The following ZNF385D variants were observed in gnomAD, a reference collection of about 807,000 sequenced individuals.
ZNF385D encodes zinc finger protein 385D.
Under a neutral mutation model 35.8 loss-of-function variants are expected in ZNF385D, and 15 were observed. The observed-to-expected ratio is 0.42, with a 90% CI of 0.28 to 0.64. ZNF385D has a LOEUF of 0.64. Ranked by LOEUF, ZNF385D falls within the 30% of genes least tolerant of loss-of-function variation. The probability of loss-of-function intolerance (pLI) is 0.23; values close to 1 mark genes in which losing one functional copy is unlikely to be tolerated. For missense variants in ZNF385D, 474 were observed against 494.6 expected, an observed-to-expected ratio of 0.96 and a Z score of 0.39; for synonymous variants, 212 against 186.8, an observed-to-expected ratio of 1.13 and a Z score of -1.10.
chr3:21,655,165 G>A (rs2066037075), intron 2 of ZNF385D, among the ~76,000 whole-genome samples: 1 of 151,838 alleles, frequency 6.6e-6, no homozygotes, highest in Admixed American at 6.6e-5. Flanking sequence ...CAGAGATTCT[G>A]GTTCAATAGG....
chr3:22,256,150 C>T (rs1383951934), intron 2 of ZNF385D, among the ~76,000 whole-genome samples: 1 of 151,350 alleles, frequency 6.6e-6, no homozygotes, highest in Non-Finnish European at 1.5e-5. Flanking sequence ...ACTGGCTCTC[C>T]TTGTTCGTCA....
intron 4 of ZNF385D, among the ~76,000 whole-genome samples, chr3:21,509,148 C>G (rs1160218634): frequency 6.6e-6 from 1 of 152,024 alleles, no homozygotes; most frequent in African/African-American, 2.4e-5. Context: ...TAATGAAACA[C>G]ATATTTTCAT....
intron 3 of ZNF385D, among the ~76,000 whole-genome samples, chr3:21,848,891 G>C (rs932360845): frequency 1.1e-4 from 16 of 152,008 alleles, no homozygotes; most frequent in African/African-American, 3.9e-4. Flanking sequence ...GTTGTGAATA[G>C]ATAATTAGAG....
chr3:21,913,511 T>G (rs971698255), intron 3 of ZNF385D, among the ~76,000 whole-genome samples: 13 of 152,160 alleles, frequency 8.5e-5, no homozygotes, highest in Non-Finnish European at 1.8e-4. Flanking sequence ...CTTACAGTGT[T>G]GGCATTTAAT....
intron 2 of ZNF385D, among the ~76,000 whole-genome samples, chr3:21,609,775 G>A (rs2064610656): frequency 6.6e-6 from 1 of 152,034 alleles, no homozygotes; most frequent in African/African-American, 2.4e-5. Flanking sequence ...TGTGGTCTTG[G>A]AACTGTTAAT....
At chr3:22,203,484 A>G (rs2695632) in intron 2 of ZNF385D, among the ~76,000 whole-genome samples, 18,875 of 152,160 alleles carry the variant, frequency 0.12, 1,516 homozygotes, top group Middle Eastern at 0.24. Context: ...AGGAAAGAAT[A>G]AAAGGAACTT....
intron 3 of ZNF385D, among the ~76,000 whole-genome samples, chr3:22,006,404 C>T (rs1696205967): frequency 1.3e-5 from 2 of 152,054 alleles, no homozygotes; most frequent in South Asian, 4.1e-4. Context: ...TCATGACACA[C>T]TATTTCAAAT....
At chr3:21,833,425 G>C (rs1401727346) in intron 3 of ZNF385D, among the ~76,000 whole-genome samples, 1 of 152,164 alleles carries the variant, frequency 6.6e-6, no homozygotes, top group Non-Finnish European at 1.5e-5. Context: ...AGAGAGGTGG[G>C]AAGGCTGAAT....
intron 3 of ZNF385D, among the ~76,000 whole-genome samples, chr3:21,995,166 G>C (rs908376528): frequency 6.6e-6 from 1 of 152,244 alleles, no homozygotes; most frequent in Non-Finnish European, 1.5e-5. Context: ...CAACACAGAG[G>C]TGCCAGCAGT....
intron 2 of ZNF385D, among the ~76,000 whole-genome samples, chr3:22,184,994 T>G (rs1230459629): frequency 6.6e-5 from 10 of 152,166 alleles, no homozygotes; most frequent in Non-Finnish European, 1.5e-4. Context: ...GGTTAAAATG[T>G]GTTTTAAATA....
rs558008663 is a variant in ZNF385D at position 22,068,741 on chromosome 3, TCTGA to T, written c.325+100072_325+100075del. ...ACTCCTAGTTAAACCCTGATTGAAC[TCTGA>T]CTGATAACTTTCTACAGCTGACACG... On this transcript the variant is annotated intron_variant, in intron 3 of 5. Transcript: ENST00000494108. Among the ~76,000 whole-genome samples, 565 of 152,342 alleles carry T rather than the reference TCTGA, an allele frequency of 3.7e-3. 2 individuals carry two copies. Among genetic ancestry groups the T allele is most frequent in the African/African-American group, 0.013 (537 of 41,576 alleles).
At chr3:21,443,037 C>T (rs900147147) in intron 4 of ZNF385D, 2 of 761,024 alleles carry the variant, frequency 2.6e-6, no homozygotes, top group East Asian at 1.3e-4. Context: ...CAGAAAAAGT[C>T]CCCCTGCTCT....
At chr3:22,288,928 C>T (rs1702158292) in intron 2 of ZNF385D, among the ~76,000 whole-genome samples, 1 of 152,094 alleles carries the variant, frequency 6.6e-6, no homozygotes, top group Non-Finnish European at 1.5e-5. Flanking sequence ...TTTGTCCAAA[C>T]TGCTGACTCT....
At chr3:21,609,539 C>G (rs1312936504) in intron 2 of ZNF385D, among the ~76,000 whole-genome samples, 1 of 152,152 alleles carries the variant, frequency 6.6e-6, no homozygotes, top group African/African-American at 2.4e-5. Context: ...ATTTTGACTA[C>G]TTAACAAACA....
At chr3:21,815,851 A>G (rs1444493879) in intron 3 of ZNF385D, among the ~76,000 whole-genome samples, 1 of 152,218 alleles carries the variant, frequency 6.6e-6, no homozygotes, top group Non-Finnish European at 1.5e-5. Context: ...TCATTCTGAT[A>G]CCAACGCCTG....
intron 2 of ZNF385D, among the ~76,000 whole-genome samples, chr3:21,613,098 T>TA (rs2064736936): frequency 6.6e-6 from 1 of 152,040 alleles, no homozygotes; most frequent in African/African-American, 2.4e-5. Flanking sequence ...ACATATCTGT[T>TA]ATACTTCAAG....
chr3:22,000,865 T>C (rs1695797087), intron 3 of ZNF385D, among the ~76,000 whole-genome samples: 1 of 151,096 alleles, frequency 6.6e-6, no homozygotes, highest in Non-Finnish European at 1.5e-5. Context: ...AGGGAATTCA[T>C]TACAATTAGA....
At chr3:21,476,892 C>T (rs376017982) in intron 4 of ZNF385D, among the ~76,000 whole-genome samples, 33 of 152,234 alleles carry the variant, frequency 2.2e-4, no homozygotes, top group African/African-American at 5.3e-4. Flanking sequence ...AGAGTCTCAT[C>T]GGTATCCATA....
chr3:21,530,426 C>T (rs1397729705), intron 3 of ZNF385D, among the ~76,000 whole-genome samples: 1 of 152,120 alleles, frequency 6.6e-6, no homozygotes, highest in Non-Finnish European at 1.5e-5. Flanking sequence ...CTTTGATTTA[C>T]TTACTATATC....
Sources: allele counts gnomAD v4.1 joint callset (sites outside exome capture counted in the v4.1 genomes callset), GRCh38; gene constraint gnomAD v4.1.1; transcripts MANE v1.5; gene names NCBI Gene and HGNC (gene_info 2026-07-23, HGNC 2026-07-21).